Variants in XYLT1 observed in about 807,000 individuals in gnomAD.
The protein encoded by XYLT1 is xylosyltransferase 1.
A neutral mutation model predicts 91.3 loss-of-function variants in XYLT1; 36 were observed. The observed-to-expected ratio is 0.39, with a 90% CI of 0.30 to 0.52. The LOEUF (loss-of-function observed/expected upper bound fraction) is 0.52. Ranked by LOEUF, XYLT1 falls within the 20% of genes least tolerant of loss-of-function variation. The pLI is 0.68. For missense variants in XYLT1, 1,242 were observed against 1,284.5 expected, an observed-to-expected ratio of 0.97 and a Z score of 0.51; for synonymous variants, 588 against 532.0, an observed-to-expected ratio of 1.11 and a Z score of -1.45.
At chr16:17,150,023 C>A (rs774990718) in intron 6 of XYLT1, among the ~76,000 whole-genome samples, 2 of 152,182 alleles carry the variant, frequency 1.3e-5, no homozygotes, top group Non-Finnish European at 2.9e-5. Flanking sequence ...GACACCTCCA[C>A]AGCTAAGAAG....
intron 8 of XYLT1, among the ~76,000 whole-genome samples, chr16:17,135,237 G>A (rs550024254): frequency 6.6e-6 from 1 of 152,338 alleles, no homozygotes; most frequent in East Asian, 1.9e-4. Flanking sequence ...TAAAGCTGAA[G>A]GGTGGTGGCT....
At chr16:17,427,601 A>C (rs2036335537) in intron 1 of XYLT1, among the ~76,000 whole-genome samples, 1 of 152,074 alleles carries the variant, frequency 6.6e-6, no homozygotes, top group African/African-American at 2.4e-5. Flanking sequence ...CTGCTTTTCA[A>C]ATGCGTCACC....
chr16:17,451,726 G>A (rs1288912163), intron 1 of XYLT1, among the ~76,000 whole-genome samples: 3 of 152,116 alleles, frequency 2.0e-5, no homozygotes, highest in African/African-American at 7.2e-5. Context: ...GAGTAGCCTT[G>A]AGCTTAGTGA....
At chr16:17,441,062 C>G (rs905646205) in intron 1 of XYLT1, among the ~76,000 whole-genome samples, 4 of 151,742 alleles carry the variant, frequency 2.6e-5, no homozygotes, top group African/African-American at 9.7e-5. Context: ...CATATTTTGT[C>G]AAAATTATCA....
chr16:17,469,592 T>C (rs1328683881), intron 1 of XYLT1, among the ~76,000 whole-genome samples: 1 of 152,060 alleles, frequency 6.6e-6, no homozygotes. Flanking sequence ...GCCCCAGATC[T>C]GCGGAAAAAA....
intron 5 of XYLT1, among the ~76,000 whole-genome samples, chr16:17,169,086 G>A (rs953629338): frequency 5.9e-5 from 9 of 152,338 alleles, no homozygotes; most frequent in South Asian, 2.1e-4. Context: ...TGTGACAAAC[G>A]CCTGGGACAG....
intron 2 of XYLT1, among the ~76,000 whole-genome samples, chr16:17,272,531 G>A (rs1419521892): frequency 6.6e-6 from 1 of 152,096 alleles, no homozygotes; most frequent in Non-Finnish European, 1.5e-5. Flanking sequence ...ACAGGTGTCT[G>A]GTTCACTCTG....
intron 5 of XYLT1, among the ~76,000 whole-genome samples, chr16:17,180,545 TGGA>T (rs1020688362): frequency 3.3e-5 from 5 of 152,196 alleles, no homozygotes; most frequent in Admixed American, 3.3e-4. Context: ...AATCCCTCCC[TGGA>T]GGAGAAAGGA....
At chr16:17,403,934 T>G (rs913982330) in intron 1 of XYLT1, among the ~76,000 whole-genome samples, 2 of 152,062 alleles carry the variant, frequency 1.3e-5, no homozygotes, top group African/African-American at 4.8e-5. Flanking sequence ...GAGCCAGAGG[T>G]CAGGCCAGGT....
At chr16:17,164,025 C>T (rs920613559) in intron 5 of XYLT1, among the ~76,000 whole-genome samples, 7 of 75,258 alleles carry the variant, frequency 9.3e-5, no homozygotes, top group Non-Finnish European at 1.4e-4. Context: ...AAAACAAGAG[C>T]GAAACTCTGT....
chr16:17,455,101 T>C (rs1447384459), intron 1 of XYLT1, among the ~76,000 whole-genome samples: 1 of 151,848 alleles, frequency 6.6e-6, no homozygotes, highest in Non-Finnish European at 1.5e-5. Flanking sequence ...TGATTCCATT[T>C]CTAAAAAGAG....
chr16:17,360,195 T>G (rs2035363095), intron 1 of XYLT1, among the ~76,000 whole-genome samples: 1 of 152,196 alleles, frequency 6.6e-6, no homozygotes, highest in African/African-American at 2.4e-5. Flanking sequence ...CCAGATTAAT[T>G]AAGCTGTACT....
intron 5 of XYLT1, among the ~76,000 whole-genome samples, chr16:17,175,587 G>A (rs772410818): frequency 1.7e-4 from 26 of 152,114 alleles, no homozygotes; most frequent in Admixed American, 1.2e-3. Context: ...TCATGGAGCC[G>A]GGAAGGAATG....
rs146307942 is a variant in XYLT1, at chr16:17,427,564, G to A, written c.363+42870C>T. Among the ~76,000 whole-genome samples, 335 of 152,158 alleles carry A rather than the reference G, an allele frequency of 2.2e-3. 2 individuals carry two copies. Among genetic ancestry groups the A allele is most frequent in the African/African-American group, 7.6e-3 (314 of 41,502 alleles). On this transcript the variant is annotated intron_variant, in intron 1 of 11. Coordinates refer to ENST00000261381, the MANE Select transcript of XYLT1 (RefSeq NM_022166.4). ...CTCCCAAAGCGCTGGGATTACAGGC[G>A]TGAACCATCACTCCCAGCTTCAAGT...
intron 1 of XYLT1, among the ~76,000 whole-genome samples, chr16:17,391,421 T>C (rs2035817754): frequency 6.6e-6 from 1 of 152,162 alleles, no homozygotes; most frequent in African/African-American, 2.4e-5. Context: ...AGCCTCAAAA[T>C]TTCCAGAGAG....
intron 1 of XYLT1, among the ~76,000 whole-genome samples, chr16:17,414,132 G>A (rs888270189): frequency 2.0e-5 from 3 of 152,156 alleles, no homozygotes; most frequent in Admixed American, 1.3e-4. Context: ...TCCTGCTGTG[G>A]CCCTGCAAGC....
In XYLT1 at chr16:17,259,233, G is replaced by C. The variant is rs113276942; in HGVS notation, c.668C>G (p.Ala223Gly). The C allele has an allele frequency of 9.0e-3, 14,533 of 1,614,012 alleles. 1,021 individuals carry two copies. The African/African-American group carries it at 0.16, about 18-fold the overall frequency. Reference protein sequence around the residue: ...PGEVLPPGDRAAANSSHGKDV... With the variant: ...PGEVLPPGDRGAANSSHGKDV... Reference sequence around the variant, plus strand: ...CTTCCCGTGGCTGCTGTTGGCTGCGGCTCTGTCCCCGGGAGGCAGCACCTC... The same window carrying C: ...CTTCCCGTGGCTGCTGTTGGCTGCGCCTCTGTCCCCGGGAGGCAGCACCTC... The change falls in exon 3 of 12, where the codon GCC (alanine) becomes GGC (glycine). Residue 223 changes from alanine (A) to glycine (G), a missense_variant. Ala to Gly is a moderately conservative substitution (Grantham distance 60). Transcript: ENST00000261381.
chr16:17,261,764 G>T (rs2033725919), intron 2 of XYLT1, among the ~76,000 whole-genome samples: 1 of 152,122 alleles, frequency 6.6e-6, no homozygotes, highest in Non-Finnish European at 1.5e-5. Context: ...GGAGCTGGGA[G>T]GTAACAAGGT....
intron 10 of XYLT1, among the ~76,000 whole-genome samples, chr16:17,122,667 T>C (rs950990434): frequency 6.6e-6 from 1 of 152,270 alleles, no homozygotes; most frequent in African/African-American, 2.4e-5. Context: ...CCTAAGCCAG[T>C]GTCTAGAAGG....
Sources: allele counts gnomAD v4.1 joint callset (sites outside exome capture counted in the v4.1 genomes callset), GRCh38; gene constraint gnomAD v4.1.1; transcripts MANE v1.5; gene names NCBI Gene and HGNC (gene_info 2026-07-23, HGNC 2026-07-21).